The following ZFHX2 variants were observed in gnomAD, a reference collection of about 807,000 sequenced individuals.
The protein encoded by ZFHX2 is zinc finger homeobox protein 2.
Under a neutral mutation model 164.8 loss-of-function variants are expected in ZFHX2, and 75 were observed. That is an observed-to-expected ratio of 0.46 (90% CI 0.38 to 0.55). The LOEUF is 0.55. ZFHX2 is among the 20% of genes least tolerant of loss of function. ZFHX2 has a pLI of 0.00. For synonymous variants in ZFHX2, 1,217 were observed against 1,351.4 expected (o/e 0.90, Z 2.18); for missense variants, 2,933 against 3,308.0 (o/e 0.89, Z 2.78).
chr14:23,529,799 C>T, intron 5 of ZFHX2, 31 bp from the exon 6 acceptor site: 1 of 1,529,236 alleles, frequency 6.5e-7, no homozygotes, highest in Non-Finnish European at 8.8e-7. Context: ...GATTAAGGAA[C>T]CCTGACAGCC....
Position 23,534,042 on chromosome 14 carries a change from G to A in ZFHX2, c.1284C>T (p.Ala428=), listed in dbSNP as rs1879881377. ...PYRLADDYTP[A]PAAFQGLSLS... is the part of the protein sequence containing the mutation. ...GGCTGAGGCCCTGGAAGGCTGCAGGGGCTGGGGTGTAGTCATCAGCTAGGC... is the reference window on the plus strand; with the variant it reads ...GGCTGAGGCCCTGGAAGGCTGCAGGAGCTGGGGTGTAGTCATCAGCTAGGC... The change falls in exon 2 of 10, where the codon GCC becomes GCT. Residue 428 remains alanine (A), a synonymous_variant. Transcript: ENST00000419474. The surrounding 1 kb of genome is among the most constrained non-coding windows in gnomAD (Gnocchi z 4.5). 1 of 1,535,416 alleles carries A rather than the reference G, an allele frequency of 6.5e-7. No homozygotes were observed. Among genetic ancestry groups the A allele is most frequent in the Admixed American group, 2.0e-5 (1 of 50,936 alleles).
intron 5 of ZFHX2, 24 bp downstream of exon 5, chr14:23,530,096 G>A (rs1023463284): frequency 6.5e-7 from 1 of 1,527,812 alleles, no homozygotes; most frequent in African/African-American, 1.4e-5. Context: ...TAGGAGGACT[G>A]GGGGGAAGGG....
rs570733981 is a variant in ZFHX2, at chr14:23,521,574, A to T, written c.*388T>A. 3.7e-4 allele frequency: 68 copies of T among 185,462 alleles called. No individual in the cohort carries two copies. Among genetic ancestry groups the T allele is most frequent in the Non-Finnish European group, 6.9e-4 (62 of 89,550 alleles). 11.5% of individuals were successfully genotyped at this position (185,462 alleles called of 1,614,324 possible). A position where few individuals can be genotyped will look rare whatever the true frequency, so the allele number is the denominator to read the frequency against. ...TGGGATAACGTGTGTGTGTGCATGT[A>T]TGTGTATGCATTTATGGGGATGGGG... On this transcript the variant is annotated 3_prime_UTR_variant, in exon 10 of 10. Coordinates refer to ENST00000419474, the MANE Select transcript of ZFHX2 (RefSeq NM_033400.3).
At position 23,541,085 on chromosome 14, in the gene ZFHX2, C is replaced by T. The variant is rs536631165; in HGVS notation, c.-49-5711G>A. 8.8e-4 allele frequency among the ~76,000 whole-genome samples: 133 copies of T among 151,662 alleles called. 1 individual carries two copies. The highest frequency in any genetic ancestry group is 1.3e-3 in the Non-Finnish European group (87 of 67,836). Reference sequence around the variant, plus strand: ...CCAGGCCTGGCTAATTTTTGTATTTCAGTAGAGACGGGGTTTCACCATGTT... The same window carrying T: ...CCAGGCCTGGCTAATTTTTGTATTTTAGTAGAGACGGGGTTTCACCATGTT... On this transcript the variant is annotated intron_variant, in intron 1 of 9. Coordinates refer to ENST00000419474, the MANE Select transcript of ZFHX2 (RefSeq NM_033400.3).
chr14:23,539,060 T>C (rs1008807066), intron 1 of ZFHX2, among the ~76,000 whole-genome samples: 2 of 152,116 alleles, frequency 1.3e-5, no homozygotes, highest in African/African-American at 4.8e-5. Context: ...GAGATGAATC[T>C]TGCAGCTCCA....
At position 23,546,480 on chromosome 14, in the gene ZFHX2, C is replaced by T. The variant is rs1566594828; in HGVS notation, c.-50+4863G>A. Among the ~76,000 whole-genome samples, 1 of 152,136 alleles carries T rather than the reference C, an allele frequency of 6.6e-6. No individual in the cohort carries two copies. Among genetic ancestry groups the T allele is most frequent in the Non-Finnish European group, 1.5e-5 (1 of 68,024 alleles). The stretch of plus-strand genomic sequence containing the variant: ...GACTGTGGGTGGACCTCAGCCCTGT[C>T]ACCCCTTAACAACTGCACATGAGGA... On this transcript the variant is annotated intron_variant, in intron 1 of 9. Coordinates refer to ENST00000419474, the MANE Select transcript of ZFHX2 (RefSeq NM_033400.3). The surrounding 1 kb of genome is among the most constrained non-coding windows in gnomAD (Gnocchi z 4.7).
In ZFHX2 at chr14:23,535,373, C is replaced by G. The variant is rs1880027283; in HGVS notation, c.-48G>C. 1.4e-6 allele frequency: 2 copies of G among 1,434,642 alleles called. No individual in the cohort carries two copies. The highest frequency in any genetic ancestry group is 5.0e-5 in the East Asian group (2 of 39,844). The allele number at this position is 1,434,642 out of a possible 1,614,324, so 88.9% of individuals were successfully genotyped here. ...GCTCATGTCAGCGTGACAGCCAGTA[C>G]CCTGTAGGGAGACAAGGAGAGAGCA... On this transcript the variant is annotated splice_region_variant and 5_prime_UTR_variant, in exon 2 of 10. Coordinates refer to ENST00000419474, the MANE Select transcript of ZFHX2 (RefSeq NM_033400.3). This position sits in a 1 kb window ranked among gnomAD's most constrained non-coding sequence, Gnocchi z 4.5.
At chr14:23,540,816 C>A (rs1471324099) in intron 1 of ZFHX2, among the ~76,000 whole-genome samples, 1 of 152,228 alleles carries the variant, frequency 6.6e-6, no homozygotes, top group Non-Finnish European at 1.5e-5. Context: ...TAGTTCTTTT[C>A]CTTCTCTCTT....
rs1280564954 is a variant in ZFHX2, at chr14:23,533,656, G to T, written c.1670C>A (p.Ser557Tyr). The T allele has an allele frequency of 6.5e-7, 1 of 1,537,288 alleles. No individual in the cohort carries two copies. Among genetic ancestry groups the T allele is most frequent in the East Asian group, 2.4e-5 (1 of 40,928 alleles). The stretch of plus-strand genomic sequence containing the variant: ...GGTCTTAGGCTCTTTGTCTCCCGCG[G>T]AGGGTGGGAGTGATGCCTCTGGTGG... The part of the protein sequence containing the change: ...GSPPEASLPP[S>Y]AGDKEPKTKS... Residue 557 changes from serine (S) to tyrosine (Y), a missense_variant, in exon 2 of 10, where the codon TCC (serine) becomes TAC (tyrosine). Coordinates refer to ENST00000419474, the MANE Select transcript of ZFHX2 (RefSeq NM_033400.3). This position sits in a 1 kb window ranked among gnomAD's most constrained non-coding sequence, Gnocchi z 4.8.
rs753985089 is a variant in ZFHX2 at position 23,522,249 on chromosome 14, G to C, written c.7432C>G (p.Arg2478Gly). ...AHQRSFCFFGRGSGGSMPPPL... is the reference protein window; with the variant it reads ...AHQRSFCFFGGGSGGSMPPPL... ...GGTGGCATGGAGCCCCCAGAGCCCC[G>C]CCCAAAGAAGCAGAAGGATCTCTGG... The change falls in exon 10 of 10, where the codon CGG (arginine) becomes GGG (glycine). Residue 2478 changes from arginine to glycine, a missense_variant. By Grantham distance (125) the Arg-to-Gly change is moderately radical. Coordinates refer to ENST00000419474, the MANE Select transcript of ZFHX2 (RefSeq NM_033400.3). 11 of 1,480,306 alleles carry C rather than the reference G, an allele frequency of 7.4e-6. No individual in the cohort carries two copies. Among genetic ancestry groups the C allele is most frequent in the Non-Finnish European group, 9.8e-6 (11 of 1,117,208 alleles). The allele number at this position is 1,480,306 out of a possible 1,614,324, so 91.7% of individuals were successfully genotyped here.
At chr14:23,536,638 A>T (rs1225127366) in intron 1 of ZFHX2, among the ~76,000 whole-genome samples, 1 of 152,218 alleles carries the variant, frequency 6.6e-6, no homozygotes, top group East Asian at 1.9e-4. Flanking sequence ...ATTTAATCTC[A>T]CAGCAACCTT....
intron 1 of ZFHX2, among the ~76,000 whole-genome samples, chr14:23,549,395 A>T (rs1017596687): frequency 1.3e-5 from 2 of 152,010 alleles, no homozygotes; most frequent in Non-Finnish European, 2.9e-5. Flanking sequence ...TTACCTTTCC[A>T]AGCTCCTGAG....
At chr14:23,552,179 C>CT (rs1304327078), upstream of ZFHX2, among the ~76,000 whole-genome samples, 14 of 152,072 alleles carry the variant, frequency 9.2e-5, no homozygotes, top group African/African-American at 3.4e-4. Flanking sequence ...ACTCTTTAGT[C>CT]TCTGAGAGCT....
chr14:23,541,069 G>C (rs564777719), intron 1 of ZFHX2, among the ~76,000 whole-genome samples: 2 of 152,040 alleles, frequency 1.3e-5, no homozygotes, highest in Non-Finnish European at 2.9e-5. Context: ...ACCAGGCCTG[G>C]CTAATTTTTG....
intron 4 of ZFHX2, chr14:23,531,154 A>C (rs1595156321): frequency 4.5e-6 from 1 of 220,234 alleles, no homozygotes; most frequent in Non-Finnish European, 8.8e-6. Flanking sequence ...TCTCCTTCCT[A>C]CCCAGCTCCA....
At chr14:23,529,430 C>A in intron 6 of ZFHX2, 3 of 407,800 alleles carry the variant, frequency 7.4e-6, no homozygotes, top group African/African-American at 2.1e-5. Context: ...CATGTACCCC[C>A]ACTCTTTCCT....
In ZFHX2 at chr14:23,521,557, C is replaced by T. The variant is rs1015146053; in HGVS notation, c.*405G>A. The stretch of plus-strand genomic sequence containing the variant: ...TTCTCAGTGGAACATCATGGGATAA[C>T]GTGTGTGTGTGCATGTATGTGTATG... On this transcript the variant is annotated 3_prime_UTR_variant, in exon 10 of 10. Coordinates refer to ENST00000419474, the MANE Select transcript of ZFHX2 (RefSeq NM_033400.3). 3.6e-5 allele frequency: 6 copies of T among 165,320 alleles called. No individual in the cohort carries two copies. The South Asian group carries it at 9.6e-4, about 26-fold the overall frequency. The allele number at this position is 165,320 out of a possible 1,614,324, so 10.2% of individuals were successfully genotyped here.
chr14:23,533,037 G>A lies in ZFHX2; in HGVS notation c.2089C>T (p.Leu697=). 2 of 1,535,590 alleles carry A rather than the reference G, an allele frequency of 1.3e-6. No homozygotes were observed. The highest frequency in any genetic ancestry group is 1.7e-6 in the Non-Finnish European group (2 of 1,146,478). ...PDAHLPPSQL[L]GSSSDSLPTS... ...GGCAGGCTGTCAGATGAGGAACCCAGGAGCTGACTTGGAGGCAGGTGGGCA... is the reference window on the plus strand; with the variant it reads ...GGCAGGCTGTCAGATGAGGAACCCAAGAGCTGACTTGGAGGCAGGTGGGCA... Residue 697 remains leucine (L), a synonymous_variant, in exon 3 of 10, where the codon CTG becomes TTG. Transcript: ENST00000419474. This position sits in a 1 kb window ranked among gnomAD's most constrained non-coding sequence, Gnocchi z 4.8.
chr14:23,539,419 G>A (rs1302799805), intron 1 of ZFHX2, among the ~76,000 whole-genome samples: 5 of 152,144 alleles, frequency 3.3e-5, no homozygotes, highest in East Asian at 3.9e-4. Flanking sequence ...GAAAGCTGCC[G>A]AGAGAGAAAT....
Sources: gnomAD v4.1 joint callset for allele counts (sites outside exome capture counted in the v4.1 genomes callset) on GRCh38, gnomAD v4.1.1 for gene constraint, Gnocchi (gnomAD v3.1) non-coding constraint, MANE v1.5 for transcripts, NCBI Gene and HGNC (gene_info 2026-07-23, HGNC 2026-07-21) for gene names.